ACSF3: variants seen among roughly 807,000 people sequenced by gnomAD.
The protein encoded by ACSF3 is acyl-CoA synthetase family member 3, also known as malonate--CoA ligase ACSF3, mitochondrial.
ACSF3 carries 78 observed loss-of-function variants against 53.2 expected under a neutral mutation model. That is an observed-to-expected ratio of 1.47 (90% confidence interval 1.22 to 1.77). The LOEUF is 1.77. Among genes scored for constraint, ACSF3 ranks in the 40% most tolerant of loss-of-function variants. ACSF3 has a pLI of 0.00. For synonymous variants in ACSF3, 414 were observed against 333.1 expected, an observed-to-expected ratio of 1.24 and a Z score of -2.65; for missense variants, 937 against 771.1, an observed-to-expected ratio of 1.22 and a Z score of -2.55.
In ACSF3 at chr16:89,139,618, G is replaced by T. The variant is rs150872150; in HGVS notation, c.1367-5649G>T. 5.3e-4 allele frequency among the ~76,000 whole-genome samples: 68 copies of T among 128,810 alleles called. No individual in the cohort carries two copies. The East Asian group carries it at 8.8e-3, about 17-fold the overall frequency. The allele number at this position is 128,810 out of a possible 152,430, so 84.5% of individuals were successfully genotyped here. Reference sequence around the variant, plus strand: ...TTTTTTTTTTTTTTTTTTCGAGACAGAGTCTTGCTCTGTCGCCAGACTGGA... The same window carrying T: ...TTTTTTTTTTTTTTTTTTCGAGACATAGTCTTGCTCTGTCGCCAGACTGGA... On this transcript the variant is annotated intron_variant, in intron 8 of 10. Transcript: ENST00000614302.
chr16:89,155,810 T>A lies in ACSF3; in HGVS notation c.*1603T>A. 1 of 453,444 alleles carries A rather than the reference T, an allele frequency of 2.2e-6. No individual in the cohort carries two copies. The highest frequency in any genetic ancestry group is 4.4e-6 in the Non-Finnish European group (1 of 226,568). 28.1% of individuals were successfully genotyped at this position (453,444 alleles called of 1,614,324 possible). A position where few individuals can be genotyped will look rare whatever the true frequency, so the allele number is the denominator to read the frequency against. ...CTTTAATCCTGAAACTTTTGATTCCTAAAAAGCTTACATAATCATTTGCTT... is the reference window on the plus strand; with the variant it reads ...CTTTAATCCTGAAACTTTTGATTCCAAAAAAGCTTACATAATCATTTGCTT... On this transcript the variant is annotated 3_prime_UTR_variant, in exon 11 of 11. Coordinates refer to ENST00000614302, the MANE Select transcript of ACSF3 (RefSeq NM_001243279.3).
chr16:89,149,840 T>A (rs1213062617), intron 10 of ACSF3: 2 of 152,042 alleles, frequency 1.3e-5, no homozygotes, highest in African/African-American at 4.8e-5. Flanking sequence ...CAAACAGGAA[T>A]AGAAGTTCTC....
intron 8 of ACSF3, among the ~76,000 whole-genome samples, chr16:89,135,459 G>A (rs879874705): frequency 1.3e-5 from 2 of 152,250 alleles, no homozygotes; most frequent in East Asian, 1.9e-4. Context: ...AGTGCCCCAC[G>A]CAGCATCTCA....
At chr16:89,111,201 T>G (rs1167774087) in intron 4 of ACSF3, among the ~76,000 whole-genome samples, 1 of 152,270 alleles carries the variant, frequency 6.6e-6, no homozygotes, top group Non-Finnish European at 1.5e-5. Flanking sequence ...GGATCACATC[T>G]TTGTGTCCTT....
At chr16:89,141,412 C>A in intron 8 of ACSF3, 2 of 957,160 alleles carry the variant, frequency 2.1e-6, no homozygotes, top group Non-Finnish European at 2.8e-6. Flanking sequence ...AGGGAAGCAG[C>A]GGGGCCGCCC....
chr16:89,101,035 T>A lies in ACSF3; in HGVS notation c.354T>A (p.Ser118Arg). Reference protein sequence around the residue: ...YVVAQWASWMSGGVAVPLYRK... With the variant: ...YVVAQWASWMRGGVAVPLYRK... The stretch of plus-strand genomic sequence containing the variant: ...TGGCCCAGTGGGCGTCATGGATGAG[T>A]GGCGGTGTGGCAGTCCCCCTCTACA... The change falls in exon 3 of 11, where the codon AGT becomes AGA. Residue 118 changes from serine to arginine, a missense_variant. Transcript: ENST00000614302. The A allele has an allele frequency of 1.2e-6, 2 of 1,613,574 alleles. No individual in the cohort carries two copies. The highest frequency in any genetic ancestry group is 2.2e-5 in the South Asian group (2 of 91,068).
intron 4 of ACSF3, among the ~76,000 whole-genome samples, chr16:89,107,988 A>G (rs1035333319): frequency 6.6e-6 from 1 of 152,250 alleles, no homozygotes; most frequent in Non-Finnish European, 1.5e-5. Flanking sequence ...CCTCAGAATC[A>G]TGGTGGGAGG....
At chr16:89,097,852 A>G (rs1192704881) in intron 1 of ACSF3, among the ~76,000 whole-genome samples, 1 of 152,206 alleles carries the variant, frequency 6.6e-6, no homozygotes, top group African/African-American at 2.4e-5. Flanking sequence ...GATTCAGAGA[A>G]GACTCACACA....
chr16:89,118,549 G>A (rs898284448), intron 6 of ACSF3, among the ~76,000 whole-genome samples: 6 of 95,150 alleles, frequency 6.3e-5, no homozygotes, highest in African/African-American at 2.1e-4. Context: ...TCAGTGCACT[G>A]TCCGTGCTCG....
At chr16:89,135,560 A>C (rs534820791) in intron 8 of ACSF3, among the ~76,000 whole-genome samples, 1 of 152,258 alleles carries the variant, frequency 6.6e-6, no homozygotes, top group Non-Finnish European at 1.5e-5. Flanking sequence ...TCTCTGTGAC[A>C]GGACGTGGTC....
chr16:89,146,537 C>G (rs528076338), intron 10 of ACSF3, among the ~76,000 whole-genome samples: 1 of 152,194 alleles, frequency 6.6e-6, no homozygotes, highest in African/African-American at 2.4e-5. Flanking sequence ...GGCACCTGCA[C>G]GGCCTCTCCC....
chr16:89,133,006 C>G, intron 7 of ACSF3, 130 bp from the exon 8 acceptor site: 9 of 1,329,746 alleles, frequency 6.8e-6, no homozygotes, highest in Non-Finnish European at 8.6e-6. Flanking sequence ...TCCAACAAAG[C>G]GCTCAGTTTC....
chr16:89,111,811 C>T (rs1031527873), intron 4 of ACSF3, among the ~76,000 whole-genome samples: 4 of 152,220 alleles, frequency 2.6e-5, no homozygotes, highest in African/African-American at 9.6e-5. Context: ...CTCTGTGTAG[C>T]TGGAAGAGCC....
intron 8 of ACSF3, among the ~76,000 whole-genome samples, chr16:89,143,230 C>CATA (rs1912221454): frequency 1.3e-5 from 2 of 149,038 alleles, no homozygotes; most frequent in South Asian, 4.2e-4. Context: ...CAGCCCCGTG[C>CATA]GTAGCTGTGG....
chr16:89,154,192 C>T lies in ACSF3; in HGVS notation c.1716C>T (p.His572=). 1.2e-6 allele frequency: 2 copies of T among 1,613,574 alleles called. No individual in the cohort carries two copies. The highest frequency in any genetic ancestry group is 1.7e-6 in the Non-Finnish European group (2 of 1,179,862). The change falls in exon 11 of 11, where the codon CAC becomes CAT. Residue 572 remains histidine, a synonymous_variant. Coordinates refer to ENST00000614302, the MANE Select transcript of ACSF3 (RefSeq NM_001243279.3). ...GKIDKKALIR[H]FHPS ...TTGACAAGAAGGCGCTCATCAGGCA[C>T]TTCCACCCCTCATGACCCGGCAGAC...
chr16:89,101,227 G>A lies in ACSF3; in HGVS notation c.546G>A (p.Pro182=), dbSNP rs755163107. 2.1e-5 allele frequency: 33 copies of A among 1,601,736 alleles called. 1 individual carries two copies. In the South Asian group the frequency reaches 2.7e-4, roughly 13 times the overall value. ...PAIYTGAVEE[P]AEVPVPEQGW... is the part of the protein sequence containing the mutation. ...TCTACACTGGAGCAGTAGAGGAACCGGCAGAGGTCCCGGTCCCAGAGCAGG... is the reference window on the plus strand; with the variant it reads ...TCTACACTGGAGCAGTAGAGGAACCAGCAGAGGTCCCGGTCCCAGAGCAGG... The change falls in exon 3 of 11, where the codon CCG becomes CCA. Residue 182 remains proline, a synonymous_variant. Coordinates refer to ENST00000614302, the MANE Select transcript of ACSF3 (RefSeq NM_001243279.3).
Position 89,156,036 on chromosome 16 carries a change from C to T in ACSF3, c.*1829C>T, listed in dbSNP as rs61704196. Among the ~76,000 whole-genome samples the T allele has an allele frequency of 0.091, 13,873 of 152,144 alleles. 1,290 individuals are homozygous for T. Among genetic ancestry groups the T allele is most frequent in the East Asian group, 0.49 (2,499 of 5,126 alleles). On this transcript the variant is annotated 3_prime_UTR_variant, in exon 11 of 11. Coordinates refer to ENST00000614302, the MANE Select transcript of ACSF3 (RefSeq NM_001243279.3). ...CAGAATACGGTGCTCCAAGGACATG[C>T]GGTTGAATGCCGTGTTCTAAAGTCA... is the stretch of plus-strand genomic sequence containing the variant.
At chr16:89,095,120 T>C (rs1293093070) in intron 1 of ACSF3, 1 of 152,198 alleles carries the variant, frequency 6.6e-6, no homozygotes, top group Non-Finnish European at 1.5e-5. Context: ...GCACGGGTGT[T>C]ACTACCGGTG....
At chr16:89,136,564 C>T (rs1252562272) in intron 8 of ACSF3, 11 of 1,275,372 alleles carry the variant, frequency 8.6e-6, no homozygotes, top group East Asian at 1.1e-4. Context: ...TCCTGCCACA[C>T]GGATTCTGGC....
Sources: gnomAD v4.1 joint callset for allele counts (sites outside exome capture counted in the v4.1 genomes callset) on GRCh38, gnomAD v4.1.1 for gene constraint, MANE v1.5 for transcripts, NCBI Gene and HGNC (gene_info 2026-07-23, HGNC 2026-07-21) for gene names.